Variants in GLRA3 observed in about 807,000 individuals in gnomAD.
The protein encoded by GLRA3 is glycine receptor alpha 3.
A neutral mutation model predicts 60.4 loss-of-function variants in GLRA3; 44 were observed. The ratio of observed to expected loss-of-function variants is 0.73; its 90% CI spans 0.57 to 0.94. The LOEUF is 0.94. Ranked by LOEUF, GLRA3 falls within the 40% of genes least tolerant of loss-of-function variation. The probability of loss-of-function intolerance (pLI) is 0.00; values close to 1 mark genes in which losing one functional copy is unlikely to be tolerated. For missense variants in GLRA3, 508 were observed against 564.6 expected, an observed-to-expected ratio of 0.90 and a Z score of 1.02; for synonymous variants, 223 against 192.9, an observed-to-expected ratio of 1.16 and a Z score of -1.29.
chr4:174,720,319 T>TA (rs968952693), intron 4 of GLRA3, among the ~76,000 whole-genome samples: 4 of 152,122 alleles, frequency 2.6e-5, no homozygotes, highest in African/African-American at 7.2e-5. Flanking sequence ...ATGGATTCTG[T>TA]AAAAAAACAG....
chr4:174,677,308 G>A lies in GLRA3; in HGVS notation c.713-16C>T, dbSNP rs765591766. On this transcript the variant is annotated splice_polypyrimidine_tract_variant and intron_variant, in intron 6 of 9. Coordinates refer to ENST00000274093, the MANE Select transcript of GLRA3 (RefSeq NM_006529.4). ...GTAAACTTTCCTAATTGGTGGTAAG[G>A]TAAATACAGCAATTAGTACAAATAG... 2.3e-5 allele frequency: 33 copies of A among 1,434,826 alleles called. No homozygotes were observed. In the Admixed American group the frequency reaches 2.3e-4, roughly 10 times the overall value. The allele number at this position is 1,434,826 out of a possible 1,614,324, so 88.9% of individuals were successfully genotyped here. A position where few individuals can be genotyped will look rare whatever the true frequency, so the allele number is the denominator to read the frequency against.
rs548561980 is a variant in GLRA3 at position 174,684,941 on chromosome 4, G to A, written c.575-2002C>T. Among the ~76,000 whole-genome samples, 20 of 152,204 alleles carry A rather than the reference G, an allele frequency of 1.3e-4. No individual in the cohort carries two copies. In the South Asian group the frequency reaches 3.3e-3, roughly 25 times the overall value. ...GGAGAATCATTTGAACCTGGGAGGCGGAGGTTGTAGTGAGCTGAGATCGAC... is the reference window on the plus strand; with the variant it reads ...GGAGAATCATTTGAACCTGGGAGGCAGAGGTTGTAGTGAGCTGAGATCGAC... On this transcript the variant is annotated intron_variant, in intron 5 of 9. Transcript: ENST00000274093.
intron 1 of GLRA3, among the ~76,000 whole-genome samples, chr4:174,826,137 A>G (rs1475078489): frequency 2.6e-5 from 4 of 152,162 alleles, no homozygotes; most frequent in Non-Finnish European, 4.4e-5. Flanking sequence ...AAGATGTTCA[A>G]TGATATTCAT....
chr4:174,745,791 A>G (rs1477991843), intron 3 of GLRA3, among the ~76,000 whole-genome samples: 3 of 101,410 alleles, frequency 3.0e-5, no homozygotes, highest in East Asian at 2.1e-4. Flanking sequence ...ACTCAATAGG[A>G]AAAAAAAAAA....
chr4:174,687,809 A>G (rs1006787326), intron 5 of GLRA3, among the ~76,000 whole-genome samples: 5 of 152,158 alleles, frequency 3.3e-5, no homozygotes, highest in African/African-American at 1.2e-4. Context: ...ATAACTCATC[A>G]ATCTGATATT....
intron 2 of GLRA3, among the ~76,000 whole-genome samples, chr4:174,779,341 A>C (rs990079926): frequency 2.0e-5 from 3 of 152,326 alleles, no homozygotes; most frequent in African/African-American, 4.8e-5. Context: ...GACCAAAAGT[A>C]GATAAAACCA....
intron 4 of GLRA3, among the ~76,000 whole-genome samples, chr4:174,715,950 C>T (rs1357295757): frequency 6.6e-6 from 1 of 152,096 alleles, no homozygotes; most frequent in Admixed American, 6.6e-5. Flanking sequence ...TATTCCAAGA[C>T]GACATCCTCA....
At chr4:174,800,265 TAGTAA>T (rs1324854332) in intron 1 of GLRA3, among the ~76,000 whole-genome samples, 4 of 152,268 alleles carry the variant, frequency 2.6e-5, no homozygotes, top group Non-Finnish European at 5.9e-5. Context: ...GGGCAGTTGA[TAGTAA>T]AGTAATTTAA....
intron 1 of GLRA3, among the ~76,000 whole-genome samples, chr4:174,796,598 G>A (rs1003235291): frequency 1.3e-5 from 2 of 151,346 alleles, no homozygotes; most frequent in Admixed American, 1.3e-4. Context: ...GTGCAGAGGC[G>A]CGATCTTGGC....
chr4:174,790,619 C>T (rs1036330133), intron 1 of GLRA3, among the ~76,000 whole-genome samples: 5 of 151,770 alleles, frequency 3.3e-5, no homozygotes, highest in African/African-American at 1.2e-4. Context: ...TCTACCTCCT[C>T]CTACCAACAA....
intron 2 of GLRA3, among the ~76,000 whole-genome samples, chr4:174,768,991 G>GT (rs568856434): frequency 9.0e-4 from 136 of 151,282 alleles, no homozygotes; most frequent in African/African-American, 2.6e-3. Context: ...TAATTTCTTT[G>GT]TTTTTTTTTA....
intron 1 of GLRA3, among the ~76,000 whole-genome samples, chr4:174,807,560 G>A (rs1448701904): frequency 2.0e-5 from 3 of 152,008 alleles, no homozygotes; most frequent in African/African-American, 7.2e-5. Flanking sequence ...GATCAAAGGA[G>A]GTTAAGCTTA....
chr4:174,781,899 C>T (rs1416532133), intron 2 of GLRA3, among the ~76,000 whole-genome samples: 1 of 152,154 alleles, frequency 6.6e-6, no homozygotes, highest in Admixed American at 6.5e-5. Context: ...TAAGGAGGAG[C>T]TGGTACCATT....
intron 7 of GLRA3, among the ~76,000 whole-genome samples, chr4:174,661,288 C>G (rs534859449): frequency 6.6e-6 from 1 of 152,282 alleles, no homozygotes; most frequent in African/African-American, 2.4e-5. Context: ...ATATCTAACT[C>G]AACACCACAG....
At chr4:174,674,444 A>G (rs1165471633) in intron 7 of GLRA3, among the ~76,000 whole-genome samples, 1 of 152,190 alleles carries the variant, frequency 6.6e-6, no homozygotes, top group Non-Finnish European at 1.5e-5. Flanking sequence ...GCTTTGAGAG[A>G]CTACATGCTT....
chr4:174,734,915 T>G (rs1736709761), intron 3 of GLRA3, among the ~76,000 whole-genome samples: 1 of 152,296 alleles, frequency 6.6e-6, no homozygotes, highest in South Asian at 2.1e-4. Flanking sequence ...GCTCATTCAG[T>G]TTGTGGGCAC....
Position 174,716,065 on chromosome 4 carries a change from C to T in GLRA3, c.492-495G>A, listed in dbSNP as rs149957770. On this transcript the variant is annotated intron_variant, in intron 4 of 9. Transcript: ENST00000274093. The stretch of plus-strand genomic sequence containing the variant: ...ATTCCAGAGGCATTAGAGTTCTAAA[C>T]GTGGAAAAGCAGGGTGGAGAGGAGC... Among the ~76,000 whole-genome samples the T allele has an allele frequency of 5.0e-3, 757 of 152,184 alleles. 3 individuals carry two copies. Among genetic ancestry groups the T allele is most frequent in the Admixed American group, 8.5e-3 (130 of 15,266 alleles).
rs889631067 is a variant in GLRA3 at position 174,723,226 on chromosome 4, T to C, written c.491+5249A>G. Among the ~76,000 whole-genome samples, 10 of 152,244 alleles carry C rather than the reference T, an allele frequency of 6.6e-5. 1 individual carries two copies. The East Asian group carries it at 1.7e-3, about 26-fold the overall frequency. On this transcript the variant is annotated intron_variant, in intron 4 of 9. Transcript: ENST00000274093. ...ATAAATTTAGTATTCTTTAATATAA[T>C]GCATTTGAATGGGCACAGTTAAGGG...
At chr4:174,782,686 A>C (rs1738933914) in intron 2 of GLRA3, among the ~76,000 whole-genome samples, 1 of 152,250 alleles carries the variant, frequency 6.6e-6, no homozygotes, top group Non-Finnish European at 1.5e-5. Flanking sequence ...AGACAAAAAG[A>C]GAGCCAAATC....
Sources: gnomAD v4.1 joint callset for allele counts (sites outside exome capture counted in the v4.1 genomes callset) on GRCh38, gnomAD v4.1.1 for gene constraint, MANE v1.5 for transcripts, NCBI Gene and HGNC (gene_info 2026-07-23, HGNC 2026-07-21) for gene names.